MAPK14: variants seen among roughly 807,000 people sequenced by gnomAD.
The protein encoded by MAPK14 is CSAID-binding protein.
A neutral mutation model predicts 49.6 loss-of-function variants in MAPK14; 16 were observed. The observed-to-expected ratio is 0.32, with a 90% CI of 0.22 to 0.49. The LOEUF (loss-of-function observed/expected upper bound fraction) is 0.49, where lower values mean the gene tolerates loss of function less well. Ranked by LOEUF, MAPK14 falls within the 20% of genes least tolerant of loss-of-function variation. MAPK14 has a pLI of 0.99. For missense variants in MAPK14, 200 were observed against 441.2 expected (o/e 0.45, Z 4.90); for synonymous variants, 142 against 158.0 (o/e 0.90, Z 0.76).
rs1765682457 is a variant in MAPK14, at chr6:36,102,825, T to C, written c.841+176T>C. On this transcript the variant is annotated intron_variant, in intron 10 of 11. Coordinates refer to ENST00000229794, the MANE Select transcript of MAPK14 (RefSeq NM_139012.3). The stretch of plus-strand genomic sequence containing the variant: ...GTTGTCAGATTTTTTTTTAATCACA[T>C]GAGATGATTGTATGTTTAAATGATC... The C allele has an allele frequency of 2.9e-6, 3 of 1,051,884 alleles. No individual in the cohort carries two copies. In the Admixed American group the frequency reaches 9.2e-5, roughly 32 times the overall value. 65.2% of individuals were successfully genotyped at this position (1,051,884 alleles called of 1,614,324 possible).
intron 1 of MAPK14, among the ~76,000 whole-genome samples, chr6:36,041,273 C>T (rs1227800398): frequency 1.1e-4 from 17 of 148,306 alleles, no homozygotes; most frequent in Admixed American, 5.4e-4. Context: ...CAGATTTTTC[C>T]TTGTGTTTCT....
At chr6:36,048,654 G>T (rs1763278829) in intron 1 of MAPK14, among the ~76,000 whole-genome samples, 1 of 152,178 alleles carries the variant, frequency 6.6e-6, no homozygotes, top group Non-Finnish European at 1.5e-5. Flanking sequence ...ACTGAGGAAA[G>T]GGAGAAATCA....
chr6:36,073,549 T>C, intron 4 of MAPK14, 142 bp from the exon 5 acceptor site: 1 of 654,364 alleles, frequency 1.5e-6, no homozygotes, highest in Non-Finnish European at 2.7e-6. Flanking sequence ...ATGTACACAA[T>C]ACTGATAGTT....
At position 36,105,113 on chromosome 6, in the gene MAPK14, A is replaced by G. The variant is rs138746929; in HGVS notation, c.842-2342A>G. 5.4e-3 allele frequency among the ~76,000 whole-genome samples: 818 copies of G among 152,354 alleles called. 7 individuals carry two copies. The highest frequency in any genetic ancestry group is 0.016 in the African/African-American group (648 of 41,588). On this transcript the variant is annotated intron_variant, in intron 10 of 11. Coordinates refer to ENST00000229794, the MANE Select transcript of MAPK14 (RefSeq NM_139012.3). ...CTCGTGCCCAGCATATTAACTGAGC[A>G]GGAACATGCCAGAAATATAAATATT...
In MAPK14 at chr6:36,028,286, G is replaced by A; in HGVS notation, c.116+13G>A. 2 of 1,595,788 alleles carry A rather than the reference G, an allele frequency of 1.3e-6. No individual in the cohort carries two copies. The highest frequency in any genetic ancestry group is 1.7e-6 in the Non-Finnish European group (2 of 1,164,028). The stretch of plus-strand genomic sequence containing the variant: ...ATGGCTCTGTGTGGTGAGTGTCGCT[G>A]GGCCTGGGGCCGCTGTGGGCAGGGT... On this transcript the variant is annotated intron_variant, in intron 1 of 11. Transcript: ENST00000229794. This position sits in a 1 kb window ranked among gnomAD's most constrained non-coding sequence, Gnocchi z 5.1.
intron 1 of MAPK14, among the ~76,000 whole-genome samples, chr6:36,037,556 G>C (rs1762800254): frequency 6.6e-6 from 1 of 152,122 alleles, no homozygotes; most frequent in Non-Finnish European, 1.5e-5. Context: ...GAGAGAAAGG[G>C]GAAGGAGCAT....
At chr6:36,075,522 G>T (rs1430065843) in intron 6 of MAPK14, among the ~76,000 whole-genome samples, 2 of 152,160 alleles carry the variant, frequency 1.3e-5, no homozygotes, top group Non-Finnish European at 2.9e-5. Context: ...TCCACCTGCT[G>T]ATGGACATTT....
intron 3 of MAPK14, among the ~76,000 whole-genome samples, chr6:36,062,938 G>A (rs1304061625): frequency 6.6e-6 from 1 of 152,160 alleles, no homozygotes; most frequent in African/African-American, 2.4e-5. Flanking sequence ...GATTGTAGGT[G>A]TGAGCCACCG....
At chr6:36,058,819 C>G (rs1763684344) in intron 2 of MAPK14, among the ~76,000 whole-genome samples, 1 of 151,154 alleles carries the variant, frequency 6.6e-6, no homozygotes, top group African/African-American at 2.4e-5. Flanking sequence ...ATTGCTTGAG[C>G]TGCAGTGAAC....
chr6:36,076,448 A>G (rs3730366), intron 7 of MAPK14, 89 bp from the exon 8 acceptor site: 97,628 of 898,280 alleles, frequency 0.11, 6,162 homozygotes, highest in African/African-American at 0.25. Flanking sequence ...AGTAATTTGA[A>G]TATTTCACCC....
intron 1 of MAPK14, among the ~76,000 whole-genome samples, chr6:36,038,025 G>A (rs1404749139): frequency 6.6e-6 from 1 of 151,478 alleles, no homozygotes; most frequent in Non-Finnish European, 1.5e-5. Flanking sequence ...AAAAAAAAAA[G>A]GAAGCTATAT....
intron 1 of MAPK14, among the ~76,000 whole-genome samples, chr6:36,050,066 T>G (rs1763334714): frequency 6.6e-6 from 1 of 152,202 alleles, no homozygotes. Context: ...AATGGCTTTA[T>G]TGAGAGCCTC....
intron 8 of MAPK14, among the ~76,000 whole-genome samples, chr6:36,086,813 A>G (rs1325143115): frequency 1.3e-5 from 2 of 152,182 alleles, no homozygotes; most frequent in African/African-American, 4.8e-5. Context: ...TTATCCCAAT[A>G]CCAAAGCCTG....
chr6:36,072,489 A>G (rs1764342178), intron 3 of MAPK14, among the ~76,000 whole-genome samples: 1 of 152,020 alleles, frequency 6.6e-6, no homozygotes. Context: ...AAGTCGGGCC[A>G]GGTGCGGTGG....
downstream of MAPK14, among the ~76,000 whole-genome samples, chr6:36,111,768 G>C (rs1320938721): frequency 1.3e-5 from 2 of 152,106 alleles, no homozygotes; most frequent in African/African-American, 4.8e-5. Flanking sequence ...CTGGGTTTTT[G>C]TCCAGGCCCT....
chr6:36,077,097 A>G (rs927330039), intron 8 of MAPK14, among the ~76,000 whole-genome samples: 3 of 152,254 alleles, frequency 2.0e-5, no homozygotes, highest in Non-Finnish European at 2.9e-5. Context: ...AGTAAAAGCA[A>G]GAAGTGAAAA....
chr6:36,063,040 A>G lies in MAPK14; in HGVS notation c.305+3693A>G, dbSNP rs550897478. On this transcript the variant is annotated intron_variant, in intron 3 of 11. Transcript: ENST00000229794. Reference sequence around the variant, plus strand: ...ACTTTTAATTTATATACAGTCATGCATCAGTTAATGACTGGGATGTGTTCT... The same window carrying G: ...ACTTTTAATTTATATACAGTCATGCGTCAGTTAATGACTGGGATGTGTTCT... 5.3e-5 allele frequency among the ~76,000 whole-genome samples: 8 copies of G among 152,272 alleles called. No homozygotes were observed. In the South Asian group the frequency reaches 1.0e-3, roughly 20 times the overall value.
intron 1 of MAPK14, among the ~76,000 whole-genome samples, chr6:36,038,115 A>T (rs1451471151): frequency 6.6e-6 from 1 of 152,170 alleles, no homozygotes; most frequent in Non-Finnish European, 1.5e-5. Flanking sequence ...AAAATGCAAG[A>T]AGGGAAGGAG....
At chr6:36,078,456 G>A (rs1484304755) in intron 8 of MAPK14, among the ~76,000 whole-genome samples, 1 of 152,192 alleles carries the variant, frequency 6.6e-6, no homozygotes, top group Non-Finnish European at 1.5e-5. Context: ...ACTAGTGTTA[G>A]AAAGTTTTCG....
Sources: gnomAD v4.1 joint callset for allele counts (sites outside exome capture counted in the v4.1 genomes callset) on GRCh38, gnomAD v4.1.1 for gene constraint, Gnocchi (gnomAD v3.1) non-coding constraint, MANE v1.5 for transcripts, NCBI Gene and HGNC (gene_info 2026-07-23, HGNC 2026-07-21) for gene names.